Variants in PALS2 observed in about 807,000 individuals in gnomAD.
The protein encoded by PALS2 is protein PALS2.
PALS2 carries 27 observed loss-of-function variants against 61.6 expected under a neutral mutation model. The observed-to-expected ratio is 0.44, with a 90% CI of 0.32 to 0.60. The LOEUF (loss-of-function observed/expected upper bound fraction) is 0.60. Among genes scored for constraint, PALS2 ranks in the 20% least tolerant of loss-of-function variants. The pLI, the probability that PALS2 is intolerant of heterozygous loss-of-function variation, is 0.05. For missense variants in PALS2, 554 were observed against 639.4 expected, an observed-to-expected ratio of 0.87 and a Z score of 1.44; for synonymous variants, 236 against 218.6, an observed-to-expected ratio of 1.08 and a Z score of -0.70.
intron 2 of PALS2, among the ~76,000 whole-genome samples, chr7:24,640,122 T>A (rs1001304683): frequency 6.6e-6 from 1 of 152,096 alleles, no homozygotes; most frequent in African/African-American, 2.4e-5. Flanking sequence ...TTAATTTTTT[T>A]AATCTAAATC....
At position 24,688,042 on chromosome 7, in the gene PALS2, AGTCTT is replaced by A. The variant is rs1788295328; in HGVS notation, c.*429_*433del. The A allele has an allele frequency of 6.5e-6, 1 of 152,858 alleles. No homozygotes were observed. The highest frequency in any genetic ancestry group is 6.5e-5 in the Admixed American group (1 of 15,298). 9.5% of individuals were successfully genotyped at this position (152,858 alleles called of 1,614,324 possible). On this transcript the variant is annotated 3_prime_UTR_variant, in exon 12 of 12. Coordinates refer to ENST00000222644, the MANE Select transcript of PALS2 (RefSeq NM_001303037.2). ...TTCAGTATTCAAATAGTGAAGGGTT[AGTCTT>A]AATAGAAGAAAATATAGTTATTGAC...
Position 24,687,553 on chromosome 7 carries a change from A to C in PALS2, c.1562A>C (p.Gln521Pro). The C allele has an allele frequency of 6.2e-7, 1 of 1,613,244 alleles. No homozygotes were observed. The highest frequency in any genetic ancestry group is 8.5e-7 in the Non-Finnish European group (1 of 1,179,736). ...DNLDKAFEKL[Q>P]TAIEKLRMEP... ...CTAGACAAAGCCTTTGAAAAACTGC[A>C]AACTGCCATAGAGAAACTGAGAATG... is the stretch of plus-strand genomic sequence containing the variant. Residue 521 changes from glutamine (Q) to proline (P), a missense_variant, in exon 12 of 12, where the codon CAA becomes CCA. Transcript: ENST00000222644. The surrounding 1 kb of genome is among the most constrained non-coding windows in gnomAD (Gnocchi z 4.5).
At chr7:24,674,593 CTG>C (rs1396827875) in intron 9 of PALS2, 1 of 152,226 alleles carries the variant, frequency 6.6e-6, no homozygotes, top group Non-Finnish European at 1.5e-5. Context: ...CTGTCTGTAA[CTG>C]TGCTCTTCAA....
intron 6 of PALS2, among the ~76,000 whole-genome samples, chr7:24,665,093 C>T (rs745555784): frequency 3.3e-5 from 5 of 152,104 alleles, no homozygotes; most frequent in East Asian, 1.9e-4. Flanking sequence ...GGTGAAGTTT[C>T]GCCTAGTTTA....
At chr7:24,581,946 C>A (rs1782861563) in intron 1 of PALS2, among the ~76,000 whole-genome samples, 1 of 152,154 alleles carries the variant, frequency 6.6e-6, no homozygotes, top group South Asian at 2.1e-4. Context: ...AATCTACATT[C>A]ATGTGTCAGT....
At chr7:24,671,731 G>A (rs1334264868) in intron 9 of PALS2, among the ~76,000 whole-genome samples, 1 of 151,890 alleles carries the variant, frequency 6.6e-6, no homozygotes, top group East Asian at 1.9e-4. Flanking sequence ...GTGAGGAGGG[G>A]GTTCCAACTT....
Position 24,618,538 on chromosome 7 carries a change from GA to G in PALS2, c.-2-5126del, listed in dbSNP as rs1562617336. ...CAGATCTTGTGCTCCCAGTCTGGGG[GA>G]ATACAGCTGTGTGAATTCACAGCAG... On this transcript the variant is annotated intron_variant, in intron 1 of 11. Coordinates refer to ENST00000222644, the MANE Select transcript of PALS2 (RefSeq NM_001303037.2). The surrounding 1 kb of genome is among the most constrained non-coding windows in gnomAD (Gnocchi z 5.1). 1.3e-5 allele frequency among the ~76,000 whole-genome samples: 2 copies of G among 152,196 alleles called. No individual in the cohort carries two copies.
At chr7:24,668,709 G>A (rs895384366) in intron 9 of PALS2, 49 bp downstream of exon 9, 1 of 1,585,056 alleles carries the variant, frequency 6.3e-7, no homozygotes, top group African/African-American at 1.4e-5. Context: ...GAAAGAGTAT[G>A]GGCATATGGA....
intron 6 of PALS2, 108 bp downstream of exon 6, chr7:24,663,829 T>G: frequency 1.5e-6 from 2 of 1,355,614 alleles, no homozygotes; most frequent in Admixed American, 4.2e-5. Context: ...ACAATGATTT[T>G]TCCCACATGA....
intron 5 of PALS2, among the ~76,000 whole-genome samples, chr7:24,660,243 C>A (rs1261736052): frequency 7.4e-6 from 1 of 134,560 alleles, no homozygotes; most frequent in Non-Finnish European, 1.5e-5. Flanking sequence ...TGAATCATTC[C>A]CATGGTTTGA....
chr7:24,591,157 T>G (rs1018911905), intron 1 of PALS2, among the ~76,000 whole-genome samples: 8 of 152,142 alleles, frequency 5.3e-5, no homozygotes, highest in African/African-American at 1.9e-4. Context: ...TCTTCCACTT[T>G]AACTGGAAGT....
At position 24,690,169 on chromosome 7, in the gene PALS2, A is replaced by T. The variant is rs563750558; in HGVS notation, c.*2555A>T. ...TAGATGCCCGTACTAACAAGAATAC[A>T]GTTAGATAAGTTCATTGTATCTCAA... On this transcript the variant is annotated 3_prime_UTR_variant, in exon 12 of 12. Transcript: ENST00000222644. 1.3e-5 allele frequency: 2 copies of T among 152,342 alleles called. No homozygotes were observed. The highest frequency in any genetic ancestry group is 4.1e-4 in the South Asian group (2 of 4,832). 9.4% of individuals were successfully genotyped at this position (152,342 alleles called of 1,614,324 possible). A position where few individuals can be genotyped will look rare whatever the true frequency, so the allele number is the denominator to read the frequency against.
chr7:24,598,179 A>T (rs541460406), intron 1 of PALS2, among the ~76,000 whole-genome samples: 1 of 152,218 alleles, frequency 6.6e-6, no homozygotes. Context: ...AAACCAAAGT[A>T]TATAAAGGAA....
At chr7:24,595,491 T>C (rs1783471671) in intron 1 of PALS2, among the ~76,000 whole-genome samples, 1 of 126,818 alleles carries the variant, frequency 7.9e-6, no homozygotes, top group African/African-American at 3.2e-5. Flanking sequence ...ATATATATTA[T>C]ATATTTTTAA....
chr7:24,625,419 T>C (rs548623058), intron 2 of PALS2, among the ~76,000 whole-genome samples: 17 of 152,248 alleles, frequency 1.1e-4, no homozygotes, highest in Non-Finnish European at 2.2e-4. Flanking sequence ...ACAACAACTT[T>C]ATGAATTTAA....
At chr7:24,585,490 T>TA (rs995818856) in intron 1 of PALS2, among the ~76,000 whole-genome samples, 9 of 150,962 alleles carry the variant, frequency 6.0e-5, no homozygotes, top group Non-Finnish European at 7.4e-5. Flanking sequence ...TGTTTGAGAT[T>TA]AAAAAAAAAT....
chr7:24,588,312 G>T (rs1783153336), intron 1 of PALS2, among the ~76,000 whole-genome samples: 1 of 152,046 alleles, frequency 6.6e-6, no homozygotes, highest in Non-Finnish European at 1.5e-5. Flanking sequence ...TATCTTAAGG[G>T]TATATCTTAG....
chr7:24,625,899 C>T (rs1033823882), intron 2 of PALS2, among the ~76,000 whole-genome samples: 6 of 152,044 alleles, frequency 3.9e-5, no homozygotes, highest in African/African-American at 9.7e-5. Flanking sequence ...GGAGGAATTC[C>T]GCTTCCAAGA....
chr7:24,650,467 GT>G lies in PALS2; in HGVS notation c.424-15del. The G allele has an allele frequency of 6.5e-7, 1 of 1,532,250 alleles. No individual in the cohort carries two copies. The highest frequency in any genetic ancestry group is 8.8e-7 in the Non-Finnish European group (1 of 1,133,454). The allele number at this position is 1,532,250 out of a possible 1,614,324, so 94.9% of individuals were successfully genotyped here. A position where few individuals can be genotyped will look rare whatever the true frequency, so the allele number is the denominator to read the frequency against. On this transcript the variant is annotated splice_polypyrimidine_tract_variant and intron_variant, in intron 4 of 11. Coordinates refer to ENST00000222644, the MANE Select transcript of PALS2 (RefSeq NM_001303037.2). Reference sequence around the variant, plus strand: ...CTCCCTAATAATTAATGAGAAATCTGTTTCTTATTTTTCATAGGGTGTGACA... The same window carrying G: ...CTCCCTAATAATTAATGAGAAATCTGTTCTTATTTTTCATAGGGTGTGACA...
Sources: gnomAD v4.1 joint callset for allele counts (sites outside exome capture counted in the v4.1 genomes callset) on GRCh38, gnomAD v4.1.1 for gene constraint, Gnocchi (gnomAD v3.1) non-coding constraint, MANE v1.5 for transcripts, NCBI Gene and HGNC (gene_info 2026-07-23, HGNC 2026-07-21) for gene names.